SNX13: variants seen among roughly 807,000 people sequenced by gnomAD.
SNX13 encodes sorting nexin-13.
In SNX13, 45 loss-of-function variants were observed where a neutral mutation model predicts 133.6. That is an observed-to-expected ratio of 0.34 (90% CI 0.27 to 0.43). The LOEUF is 0.43. Ranked by LOEUF, SNX13 falls within the 20% of genes least tolerant of loss-of-function variation. The probability of loss-of-function intolerance (pLI) is 1.00; values close to 1 mark genes in which losing one functional copy is unlikely to be tolerated. For missense variants in SNX13, 1,032 were observed against 1,145.1 expected, an observed-to-expected ratio of 0.90 and a Z score of 1.43; for synonymous variants, 414 against 373.9, an observed-to-expected ratio of 1.11 and a Z score of -1.24.
intron 5 of SNX13, chr7:17,882,889 T>C: frequency 7.9e-7 from 1 of 1,266,692 alleles, no homozygotes. Context: ...AAGCGGAGGT[T>C]GCAGTGAGCC....
At chr7:17,902,703 T>C (rs972570463) in intron 1 of SNX13, among the ~76,000 whole-genome samples, 1 of 152,180 alleles carries the variant, frequency 6.6e-6, no homozygotes, top group Admixed American at 6.5e-5. Flanking sequence ...GACAAATCTA[T>C]ATGACAGTGA....
chr7:17,817,659 G>C (rs188525149), intron 18 of SNX13, among the ~76,000 whole-genome samples: 1 of 152,144 alleles, frequency 6.6e-6, no homozygotes, highest in East Asian at 1.9e-4. Context: ...GTAATTTATA[G>C]AGAAAACATT....
intron 1 of SNX13, among the ~76,000 whole-genome samples, chr7:17,908,128 C>T (rs935288729): frequency 1.4e-4 from 22 of 152,172 alleles, no homozygotes; most frequent in African/African-American, 4.8e-4. Flanking sequence ...GGCATCAATA[C>T]CTACCCAATT....
In SNX13 at chr7:17,794,132, GA is replaced by G; in HGVS notation, c.2786del (p.Phe929SerfsTer44). Reference protein sequence around the residue: ...LFPQYKFRELFNKLHSRSKQM... With the variant: ...LFPQYKFRELXNKLHSRSKQM... ...GCTTTGACCGTGAATGCAGTTTGTTGAAAAGTTCACGGAATTTATACTGTGG... is the reference window on the plus strand; with the variant it reads ...GCTTTGACCGTGAATGCAGTTTGTTGAAAGTTCACGGAATTTATACTGTGG... On this transcript the variant is annotated frameshift_variant, in exon 26 of 26. Transcript: ENST00000428135. LOFTEE classifies it high-confidence loss of function. 1 of 1,611,644 alleles carries G rather than the reference GA, an allele frequency of 6.2e-7. No individual in the cohort carries two copies. Among genetic ancestry groups the G allele is most frequent in the Non-Finnish European group, 8.5e-7 (1 of 1,178,418 alleles).
At position 17,816,167 on chromosome 7, in the gene SNX13, T is replaced by C. The variant is rs963204373; in HGVS notation, c.1953+15A>G. The C allele has an allele frequency of 1.3e-6, 2 of 1,520,606 alleles. No homozygotes were observed. The highest frequency in any genetic ancestry group is 1.8e-6 in the Non-Finnish European group (2 of 1,133,348). 94.2% of individuals were successfully genotyped at this position (1,520,606 alleles called of 1,614,324 possible). A position where few individuals can be genotyped will look rare whatever the true frequency, so the allele number is the denominator to read the frequency against. ...TTAAATGAAAATCTGTGGATTATAG[T>C]AAACATGAGCTTACCTGCAAATATG... On this transcript the variant is annotated intron_variant, in intron 19 of 25. Coordinates refer to ENST00000428135, the MANE Select transcript of SNX13 (RefSeq NM_015132.5).
chr7:17,843,631 C>T (rs540218792), intron 12 of SNX13, among the ~76,000 whole-genome samples: 42 of 152,114 alleles, frequency 2.8e-4, no homozygotes, highest in African/African-American at 9.2e-4. Flanking sequence ...TTCTCAGGTA[C>T]ACATGGAATA....
At chr7:17,915,691 G>C (rs1317881061) in intron 1 of SNX13, among the ~76,000 whole-genome samples, 1 of 152,124 alleles carries the variant, frequency 6.6e-6, no homozygotes, top group Non-Finnish European at 1.5e-5. Context: ...ACAAGAGTTA[G>C]ACAGTCACAC....
intron 5 of SNX13, among the ~76,000 whole-genome samples, chr7:17,878,622 TC>T (rs1795001769): frequency 6.6e-6 from 1 of 152,172 alleles, no homozygotes; most frequent in South Asian, 2.1e-4. Context: ...CCACATCCAC[TC>T]GTTTCCCTTG....
At chr7:17,879,386 T>C (rs1486371908) in intron 5 of SNX13, 1 of 152,226 alleles carries the variant, frequency 6.6e-6, no homozygotes, top group African/African-American at 2.4e-5. Context: ...GTTTGTTTTA[T>C]TCATAGCTGT....
intron 9 of SNX13, among the ~76,000 whole-genome samples, chr7:17,853,387 T>A (rs914893086): frequency 6.6e-6 from 1 of 152,166 alleles, no homozygotes; most frequent in African/African-American, 2.4e-5. Context: ...TCGGATGTTA[T>A]CTATTTTAAA....
intron 9 of SNX13, among the ~76,000 whole-genome samples, chr7:17,861,598 A>G (rs1792708451): frequency 6.6e-6 from 1 of 152,190 alleles, no homozygotes; most frequent in South Asian, 2.1e-4. Context: ...AGACAAAATG[A>G]CAGAGTATGA....
At chr7:17,934,627 G>A (rs972080262) in intron 1 of SNX13, among the ~76,000 whole-genome samples, 13 of 152,138 alleles carry the variant, frequency 8.5e-5, no homozygotes, top group African/African-American at 3.1e-4. Context: ...TTGGGAGAAA[G>A]TGTAAACCAT....
chr7:17,897,275 G>C, intron 2 of SNX13, 59 bp downstream of exon 2: 2 of 913,096 alleles, frequency 2.2e-6, no homozygotes, highest in Non-Finnish European at 3.1e-6. Flanking sequence ...TCAGTCATTT[G>C]TTTCCATTTT....
At chr7:17,921,796 A>C (rs954892605) in intron 1 of SNX13, among the ~76,000 whole-genome samples, 1 of 152,250 alleles carries the variant, frequency 6.6e-6, no homozygotes, top group Admixed American at 6.5e-5. Flanking sequence ...TTAGTTTGTG[A>C]AGTTCCCCAG....
At chr7:17,896,430 T>C (rs987501272) in intron 2 of SNX13, among the ~76,000 whole-genome samples, 29 of 152,180 alleles carry the variant, frequency 1.9e-4, no homozygotes, top group African/African-American at 7.0e-4. Context: ...AAAAAAGTGA[T>C]AGATATATTT....
chr7:17,873,418 T>C (rs1323458417), intron 8 of SNX13, 110 bp downstream of exon 8: 15 of 474,238 alleles, frequency 3.2e-5, no homozygotes, highest in Non-Finnish European at 4.3e-5. Flanking sequence ...AAAAGCTCTT[T>C]GGAGTCTTCA....
intron 1 of SNX13, among the ~76,000 whole-genome samples, chr7:17,931,129 C>G (rs986059228): frequency 6.6e-6 from 1 of 152,044 alleles, no homozygotes. Context: ...GGGTACCATA[C>G]AAGAAAAAGA....
At chr7:17,917,944 G>T (rs909650394) in intron 1 of SNX13, among the ~76,000 whole-genome samples, 1 of 152,042 alleles carries the variant, frequency 6.6e-6, no homozygotes, top group African/African-American at 2.4e-5. Context: ...AAACACCATG[G>T]TACTGGTATG....
chr7:17,938,957 CAATT>C (rs1802436179), intron 1 of SNX13, among the ~76,000 whole-genome samples: 1 of 152,164 alleles, frequency 6.6e-6, no homozygotes, highest in South Asian at 2.1e-4. Context: ...ACCATAATCT[CAATT>C]AACTCCAAGA....
Sources: gnomAD v4.1 joint callset for allele counts (sites outside exome capture counted in the v4.1 genomes callset) on GRCh38, gnomAD v4.1.1 for gene constraint, MANE v1.5 for transcripts, NCBI Gene and HGNC (gene_info 2026-07-23, HGNC 2026-07-21) for gene names.